Variants in TMCO5A observed in about 807,000 individuals in gnomAD.
The protein encoded by TMCO5A is transmembrane and coiled-coil domain-containing protein 5A.
Under a neutral mutation model 42.3 loss-of-function variants are expected in TMCO5A, and 34 were observed. The ratio of observed to expected loss-of-function variants is 0.80; its 90% CI spans 0.61 to 1.07. TMCO5A has a LOEUF of 1.07. TMCO5A is among the 50% of genes least tolerant of loss of function. The probability of loss-of-function intolerance (pLI) is 0.00; values close to 1 mark genes in which losing one functional copy is unlikely to be tolerated. For missense variants in TMCO5A, 357 were observed against 327.9 expected, an observed-to-expected ratio of 1.09 and a Z score of -0.69; for synonymous variants, 131 against 115.6, an observed-to-expected ratio of 1.13 and a Z score of -0.86.
the TMCO5A span, among the ~76,000 whole-genome samples, chr15:38,003,461 T>C: frequency 6.6e-6 from 1 of 152,134 alleles, no homozygotes; most frequent in Non-Finnish European, 1.5e-5. Context: ...GCCAAGCTCA[T>C]GTCCTTCCTT....
chr15:38,028,987 C>T, the TMCO5A span, among the ~76,000 whole-genome samples: 2 of 152,142 alleles, frequency 1.3e-5, no homozygotes, highest in African/African-American at 2.4e-5. Flanking sequence ...TGAGTCTATA[C>T]TCAATGGAAC....
the TMCO5A span, among the ~76,000 whole-genome samples, chr15:38,018,352 T>C: frequency 6.6e-6 from 1 of 152,300 alleles, no homozygotes; most frequent in African/African-American, 2.4e-5. Flanking sequence ...TTTAAAATTA[T>C]TGTCCTCAGA....
the TMCO5A span, among the ~76,000 whole-genome samples, chr15:38,033,281 C>G: frequency 1.4e-3 from 209 of 152,274 alleles, 5 homozygotes; most frequent in South Asian, 0.04. Flanking sequence ...GAGCACTGAG[C>G]TTCTATTTAA....
At chr15:37,972,816 CA>C in the TMCO5A span, among the ~76,000 whole-genome samples, 764 of 152,232 alleles carry the variant, frequency 5.0e-3, 13 homozygotes, top group African/African-American at 0.018. Context: ...GGTTTTGTTG[CA>C]ATTGTTTTTG....
At chr15:37,953,885 C>A (rs1890222323), downstream of TMCO5A, among the ~76,000 whole-genome samples, 1 of 151,702 alleles carries the variant, frequency 6.6e-6, no homozygotes, top group Non-Finnish European at 1.5e-5. Context: ...AAGAATCAAG[C>A]AGAAACTCTG....
the TMCO5A span, among the ~76,000 whole-genome samples, chr15:38,025,332 T>C: frequency 2.6e-5 from 4 of 152,092 alleles, no homozygotes; most frequent in Non-Finnish European, 5.9e-5. Flanking sequence ...GTCTTTTTCA[T>C]CAGTGCCCAT....
the TMCO5A span, among the ~76,000 whole-genome samples, chr15:38,038,945 G>A: frequency 6.6e-6 from 1 of 152,140 alleles, no homozygotes; most frequent in African/African-American, 2.4e-5. Context: ...CCAAGGAAGT[G>A]GAGGACATTC....
the TMCO5A span, chr15:38,040,619 A>G: frequency 6.6e-6 from 1 of 152,268 alleles, no homozygotes; most frequent in African/African-American, 2.4e-5. Context: ...AACAGGAATA[A>G]AAAGAAATGG....
the TMCO5A span, among the ~76,000 whole-genome samples, chr15:38,000,799 T>G: frequency 6.6e-6 from 1 of 152,124 alleles, no homozygotes; most frequent in East Asian, 1.9e-4. Context: ...TTTACCAGTG[T>G]TTGTACAGTT....
chr15:38,034,237 C>A, the TMCO5A span, among the ~76,000 whole-genome samples: 5 of 152,122 alleles, frequency 3.3e-5, no homozygotes, highest in African/African-American at 1.2e-4. Flanking sequence ...TAATCACCTC[C>A]TAAAGACCCC....
At chr15:38,008,751 T>C in the TMCO5A span, among the ~76,000 whole-genome samples, 1 of 152,162 alleles carries the variant, frequency 6.6e-6, no homozygotes, top group African/African-American at 2.4e-5. Flanking sequence ...AAGTGAGGCA[T>C]GTCAGAGGAG....
At chr15:37,987,403 T>C in the TMCO5A span, among the ~76,000 whole-genome samples, 1 of 152,004 alleles carries the variant, frequency 6.6e-6, no homozygotes, top group Non-Finnish European at 1.5e-5. Flanking sequence ...TGAAGATCAA[T>C]TTGTTGTTGT....
At chr15:37,953,269 C>T (rs1890205557), downstream of TMCO5A, among the ~76,000 whole-genome samples, 1 of 152,126 alleles carries the variant, frequency 6.6e-6, no homozygotes, top group African/African-American at 2.4e-5. Context: ...AGACCCAGTG[C>T]TGTGCTGGCT....
chr15:37,956,000 G>A (rs4923766), downstream of TMCO5A, among the ~76,000 whole-genome samples: 31,406 of 152,028 alleles, frequency 0.21, 3,543 homozygotes, highest in Admixed American at 0.3. Flanking sequence ...TGACTACTGG[G>A]TAAATAACGA....
intron 11 of TMCO5A, among the ~76,000 whole-genome samples, chr15:37,948,073 G>A (rs2140282560): frequency 1.3e-5 from 2 of 152,198 alleles, no homozygotes; most frequent in Middle Eastern, 6.8e-3. Flanking sequence ...AATGAAGACT[G>A]TCACATGCTA....
Position 37,951,165 on chromosome 15 carries a change from C to A in TMCO5A, c.798C>A (p.Thr266=), listed in dbSNP as rs138534675. 147 of 1,613,688 alleles carry A rather than the reference C, an allele frequency of 9.1e-5. No homozygotes were observed. In the Admixed American group the frequency reaches 2.5e-3, roughly 27 times the overall value. Residue 266 remains threonine (T), a synonymous_variant, in exon 12 of 12, where the codon ACC becomes ACA. Transcript: ENST00000319669. ...NVLPKVLGRS[T]LWKLRCFFFP... ...TGCCCAAGGTACTGGGCAGGAGCAC[C>A]TTGTGGAAGCTCAGATGCTTCTTCT...
the TMCO5A span, among the ~76,000 whole-genome samples, chr15:38,038,195 G>A: frequency 6.6e-6 from 1 of 151,984 alleles, no homozygotes; most frequent in African/African-American, 2.4e-5. Flanking sequence ...TTCCTACCGT[G>A]TCCAAGTAAT....
At chr15:37,970,964 C>T (rs1031199935), downstream of TMCO5A, among the ~76,000 whole-genome samples, 4 of 152,172 alleles carry the variant, frequency 2.6e-5, no homozygotes, top group African/African-American at 9.7e-5. Context: ...TTCCAGGCAC[C>T]TTGTGCAAGC....
the TMCO5A span, among the ~76,000 whole-genome samples, chr15:38,006,065 T>C: frequency 1.3e-5 from 2 of 152,166 alleles, no homozygotes; most frequent in African/African-American, 2.4e-5. Flanking sequence ...AGTGATGATA[T>C]GAAGAGGTCA....
Sources: gnomAD v4.1 joint callset for allele counts (sites outside exome capture counted in the v4.1 genomes callset) on GRCh38, gnomAD v4.1.1 for gene constraint, MANE v1.5 for transcripts, NCBI Gene and HGNC (gene_info 2026-07-23, HGNC 2026-07-21) for gene names.